ZBTB16: variants seen among roughly 807,000 people sequenced by gnomAD.
The protein encoded by ZBTB16 is zinc finger and BTB domain-containing protein 16.
In ZBTB16, 8 loss-of-function variants were observed where a neutral mutation model predicts 56.8. That is an observed-to-expected ratio of 0.14 (90% CI 0.08 to 0.25). ZBTB16 has a LOEUF of 0.25. ZBTB16 is among the 10% of genes least tolerant of loss of function. The pLI, the probability that ZBTB16 is intolerant of heterozygous loss-of-function variation, is 1.00. For missense variants in ZBTB16, 625 were observed against 903.0 expected (o/e 0.69, Z 3.95); for synonymous variants, 363 against 368.5 (o/e 0.98, Z 0.17).
At chr11:114,092,840 A>G (rs1243115590) in intron 2 of ZBTB16, among the ~76,000 whole-genome samples, 1 of 152,084 alleles carries the variant, frequency 6.6e-6, no homozygotes, top group African/African-American at 2.4e-5. Flanking sequence ...CTCACTTTCT[A>G]GTATCCCCAA....
intron 2 of ZBTB16, among the ~76,000 whole-genome samples, chr11:114,141,295 C>G (rs757148525): frequency 6.6e-6 from 1 of 152,366 alleles, no homozygotes; most frequent in Non-Finnish European, 1.5e-5. Context: ...AAAGGACCAA[C>G]TGAATCTCAC....
At chr11:114,131,792 A>G (rs1374721381) in intron 2 of ZBTB16, among the ~76,000 whole-genome samples, 1 of 152,214 alleles carries the variant, frequency 6.6e-6, no homozygotes. Context: ...CAGACTTAGA[A>G]CTGCTTTCAG....
At chr11:114,243,923 T>C (rs1404620680) in intron 5 of ZBTB16, among the ~76,000 whole-genome samples, 2 of 152,150 alleles carry the variant, frequency 1.3e-5, no homozygotes, top group Non-Finnish European at 2.9e-5. Flanking sequence ...ATGGCTCAGA[T>C]CCACGGGGAG....
chr11:114,201,092 C>T (rs531831), intron 4 of ZBTB16, among the ~76,000 whole-genome samples: 37,113 of 152,106 alleles, frequency 0.24, 4,543 homozygotes, highest in Non-Finnish European at 0.26. Context: ...TTGATGTTTA[C>T]TGTCAGCGGG....
At chr11:114,077,028 CT>C (rs1939594500) in intron 2 of ZBTB16, among the ~76,000 whole-genome samples, 1 of 152,058 alleles carries the variant, frequency 6.6e-6, no homozygotes, top group South Asian at 2.1e-4. Context: ...AAAAATATTT[CT>C]GTTTGCAGTT....
chr11:114,209,807 G>A lies in ZBTB16; in HGVS notation c.1453+22769G>A, dbSNP rs7113539. 1.0e-3 allele frequency: 1,001 copies of A among 985,442 alleles called. 6 individuals carry two copies. The African/African-American group carries it at 0.016, about 16-fold the overall frequency. The allele number at this position is 985,442 out of a possible 1,614,324, so 61.0% of individuals were successfully genotyped here. On this transcript the variant is annotated intron_variant, in intron 4 of 6. Transcript: ENST00000335953. Reference sequence around the variant, plus strand: ...ATAAGCTTTAGGAAAATGGGTTCGAGAGAGGCATTTCTGATCAGAGTTCCT... The same window carrying A: ...ATAAGCTTTAGGAAAATGGGTTCGAAAGAGGCATTTCTGATCAGAGTTCCT...
intron 4 of ZBTB16, among the ~76,000 whole-genome samples, chr11:114,210,201 G>GCGCA (rs1565687613): frequency 1.3e-5 from 2 of 151,652 alleles, no homozygotes; most frequent in Non-Finnish European, 1.5e-5. Flanking sequence ...GTGCGTGCGC[G>GCGCA]CGCGTGCACA....
intron 3 of ZBTB16, among the ~76,000 whole-genome samples, chr11:114,175,395 A>T (rs1359647748): frequency 3.9e-5 from 6 of 152,136 alleles, no homozygotes; most frequent in African/African-American, 1.2e-4. Flanking sequence ...ACTACTTTAC[A>T]TGCAATATAC....
Position 114,190,668 on chromosome 11 carries a change from A to G in ZBTB16, c.1453+3630A>G, listed in dbSNP as rs544151122. 2.0e-5 allele frequency among the ~76,000 whole-genome samples: 3 copies of G among 152,204 alleles called. No individual in the cohort carries two copies. The South Asian group carries it at 6.2e-4, about 32-fold the overall frequency. ...AAGCGGCATGGGTGTGTACATGTAT[A>G]TAAATGAGCTCTGCCAGTGTCAGTA... On this transcript the variant is annotated intron_variant, in intron 4 of 6. Transcript: ENST00000335953.
chr11:114,102,476 T>C (rs1940646623), intron 2 of ZBTB16, among the ~76,000 whole-genome samples: 1 of 152,104 alleles, frequency 6.6e-6, no homozygotes, highest in South Asian at 2.1e-4. Context: ...ATCACAGCAG[T>C]GGTAACAGTG....
intron 4 of ZBTB16, among the ~76,000 whole-genome samples, chr11:114,214,234 C>T (rs1217804373): frequency 6.6e-6 from 1 of 152,116 alleles, no homozygotes; most frequent in Non-Finnish European, 1.5e-5. Context: ...GGGCCTGGTA[C>T]ACATTATATG....
chr11:114,222,162 G>A (rs1168781744), intron 4 of ZBTB16, among the ~76,000 whole-genome samples: 1 of 152,252 alleles, frequency 6.6e-6, no homozygotes, highest in East Asian at 1.9e-4. Context: ...TTCCATCTGG[G>A]TTCAAATGGG....
chr11:114,140,449 T>TATCA (rs1257614192), intron 2 of ZBTB16, among the ~76,000 whole-genome samples: 1 of 152,212 alleles, frequency 6.6e-6, no homozygotes, highest in African/African-American at 2.4e-5. Context: ...AATAAATACC[T>TATCA]ATCAATCAAT....
intron 2 of ZBTB16, among the ~76,000 whole-genome samples, chr11:114,078,213 A>T (rs549627892): frequency 2.8e-4 from 43 of 152,310 alleles, no homozygotes; most frequent in Non-Finnish European, 5.0e-4. Context: ...GTCTCTGAGA[A>T]CATTTCATCA....
At chr11:114,154,950 C>T (rs960767474) in intron 2 of ZBTB16, among the ~76,000 whole-genome samples, 1 of 152,194 alleles carries the variant, frequency 6.6e-6, no homozygotes, top group African/African-American at 2.4e-5. Flanking sequence ...CACCTGGGTC[C>T]ACCACATGGT....
rs1944911463 is a variant in ZBTB16 at position 114,251,179 on chromosome 11, C to T, written c.*624C>T. ...CCGGTGGTCTCTGAGAGCCTCAGGA[C>T]CCCTGCCCCTCCTCCAGCTCTTTGT... On this transcript the variant is annotated 3_prime_UTR_variant, in exon 7 of 7. Transcript: ENST00000335953. 6.6e-6 allele frequency among the ~76,000 whole-genome samples: 1 copy of T among 152,152 alleles called. No homozygotes were observed. The highest frequency in any genetic ancestry group is 1.5e-5 in the Non-Finnish European group (1 of 68,008).
intron 2 of ZBTB16, among the ~76,000 whole-genome samples, chr11:114,086,535 G>A (rs539358840): frequency 1.2e-4 from 19 of 152,244 alleles, no homozygotes; most frequent in African/African-American, 4.3e-4. Flanking sequence ...TAGTGATTGT[G>A]GTTTATCTTC....
intron 4 of ZBTB16, chr11:114,237,088 T>C (rs1009741709): frequency 5.9e-5 from 9 of 152,298 alleles, no homozygotes; most frequent in African/African-American, 2.2e-4. Flanking sequence ...GGTGCCCAGC[T>C]GAGGAGGGAA....
chr11:114,084,566 C>T (rs1018639250), intron 2 of ZBTB16, among the ~76,000 whole-genome samples: 6 of 151,954 alleles, frequency 3.9e-5, no homozygotes, highest in Non-Finnish European at 1.5e-5. Context: ...GTGTGATTCT[C>T]AGGTAGCAGG....
Sources: gnomAD v4.1 joint callset for allele counts (sites outside exome capture counted in the v4.1 genomes callset) on GRCh38, gnomAD v4.1.1 for gene constraint, MANE v1.5 for transcripts, NCBI Gene and HGNC (gene_info 2026-07-23, HGNC 2026-07-21) for gene names.